The following PCSK2 variants were observed in gnomAD, a reference collection of about 807,000 sequenced individuals.
PCSK2 encodes the protein proprotein convertase subtilisin/kexin type 2.
In PCSK2, 14 loss-of-function variants were observed where a neutral mutation model predicts 69.7. That is an observed-to-expected ratio of 0.20 (90% CI 0.13 to 0.31). The LOEUF (loss-of-function observed/expected upper bound fraction) is 0.31. Ranked by LOEUF, PCSK2 falls within the 10% of genes least tolerant of loss-of-function variation. The pLI, the probability that PCSK2 is intolerant of heterozygous loss-of-function variation, is 1.00. For missense variants in PCSK2, 544 were observed against 842.5 expected (o/e 0.65, Z 4.39); for synonymous variants, 307 against 320.7 (o/e 0.96, Z 0.46).
At chr20:17,254,584 A>G (rs1185588000) in intron 1 of PCSK2, among the ~76,000 whole-genome samples, 1 of 152,200 alleles carries the variant, frequency 6.6e-6, no homozygotes, top group Admixed American at 6.5e-5. Flanking sequence ...TGCCAGTACC[A>G]TACTACTTTG....
intron 1 of PCSK2, among the ~76,000 whole-genome samples, chr20:17,243,737 G>A (rs1231022125): frequency 2.6e-5 from 4 of 152,186 alleles, no homozygotes; most frequent in Admixed American, 6.5e-5. Context: ...ACACCACAAC[G>A]TGTGTAATGC....
At position 17,414,215 on chromosome 20, in the gene PCSK2, A is replaced by C. The variant is rs180854368; in HGVS notation, c.620+4876A>C. Among the ~76,000 whole-genome samples the C allele has an allele frequency of 1.5e-3, 225 of 152,318 alleles. 1 individual carries two copies. Among genetic ancestry groups the C allele is most frequent in the Admixed American group, 4.4e-3 (68 of 15,306 alleles). On this transcript the variant is annotated intron_variant, in intron 6 of 11. Transcript: ENST00000262545. The stretch of plus-strand genomic sequence containing the variant: ...AACTGAAGGAGCTAGAGACACAAAA[A>C]ACCCTTCAAAAAAAATCGATGAATC...
intron 2 of PCSK2, among the ~76,000 whole-genome samples, chr20:17,307,503 C>T (rs2143243): frequency 0.35 from 52,606 of 152,006 alleles, 9,602 homozygotes; most frequent in East Asian, 0.57. Context: ...TGAGAGATGG[C>T]TAGGGCCAGA....
chr20:17,252,640 C>T (rs911885281), intron 1 of PCSK2, among the ~76,000 whole-genome samples: 1 of 152,148 alleles, frequency 6.6e-6, no homozygotes, highest in Non-Finnish European at 1.5e-5. Flanking sequence ...GGCTTCAGAA[C>T]TCATGTTCTT....
chr20:17,450,543 C>T (rs748807797), intron 8 of PCSK2, among the ~76,000 whole-genome samples: 11 of 152,178 alleles, frequency 7.2e-5, no homozygotes, highest in Admixed American at 5.2e-4. Flanking sequence ...TGTTCTGTCT[C>T]GATTTCTGCC....
At chr20:17,379,362 C>A (rs568451311) in intron 5 of PCSK2, among the ~76,000 whole-genome samples, 3 of 152,204 alleles carry the variant, frequency 2.0e-5, no homozygotes, top group African/African-American at 7.2e-5. Context: ...GGAGACCAAA[C>A]GTCTGATCCA....
chr20:17,249,245 G>A (rs1467221360), intron 1 of PCSK2, among the ~76,000 whole-genome samples: 2 of 152,092 alleles, frequency 1.3e-5, no homozygotes, highest in African/African-American at 4.8e-5. Flanking sequence ...GGTGGCTCAC[G>A]CCTGTAATCC....
chr20:17,350,574 A>G (rs1384227256), intron 2 of PCSK2, among the ~76,000 whole-genome samples: 1 of 152,116 alleles, frequency 6.6e-6, no homozygotes, highest in Non-Finnish European at 1.5e-5. Context: ...GTTGTCCCAG[A>G]TACTGGAAGA....
chr20:17,258,107 G>A (rs1445093584), intron 1 of PCSK2, among the ~76,000 whole-genome samples: 1 of 152,138 alleles, frequency 6.6e-6, no homozygotes, highest in Non-Finnish European at 1.5e-5. Flanking sequence ...ATTTAGGGAT[G>A]GAGCTTTTTA....
At chr20:17,338,000 T>C (rs1206728067) in intron 2 of PCSK2, among the ~76,000 whole-genome samples, 1 of 150,420 alleles carries the variant, frequency 6.6e-6, no homozygotes, top group African/African-American at 2.4e-5. Flanking sequence ...CTGCATACAA[T>C]GTGCCTGGGT....
intron 11 of PCSK2, among the ~76,000 whole-genome samples, chr20:17,477,972 C>T (rs1365386081): frequency 6.6e-6 from 1 of 152,034 alleles, no homozygotes; most frequent in Non-Finnish European, 1.5e-5. Flanking sequence ...AATTTGAACC[C>T]CACATAATAA....
intron 6 of PCSK2, among the ~76,000 whole-genome samples, chr20:17,421,607 T>C (rs2032127780): frequency 6.6e-6 from 1 of 151,980 alleles, no homozygotes; most frequent in African/African-American, 2.4e-5. Context: ...GCAGAGAGAC[T>C]GGAGACCAGA....
intron 4 of PCSK2, among the ~76,000 whole-genome samples, chr20:17,366,821 T>C (rs2030607075): frequency 6.6e-6 from 1 of 152,176 alleles, no homozygotes; most frequent in Admixed American, 6.5e-5. Flanking sequence ...TTAGGCTAAA[T>C]TTATCTTGTT....
intron 4 of PCSK2, among the ~76,000 whole-genome samples, chr20:17,369,013 A>G (rs2030679836): frequency 1.3e-5 from 2 of 152,206 alleles, no homozygotes; most frequent in African/African-American, 4.8e-5. Context: ...TCACTGTCAC[A>G]AAGCTGTCTT....
rs144506523 is a variant in PCSK2 at position 17,451,393 on chromosome 20, G to C, written c.886-2349G>C. Among the ~76,000 whole-genome samples, 381 of 152,296 alleles carry C rather than the reference G, an allele frequency of 2.5e-3. 2 individuals carry two copies. Among genetic ancestry groups the C allele is most frequent in the African/African-American group, 8.8e-3 (366 of 41,566 alleles). On this transcript the variant is annotated intron_variant, in intron 8 of 11. Coordinates refer to ENST00000262545, the MANE Select transcript of PCSK2 (RefSeq NM_002594.5). ...AGGCTAATCTCAGGAGAGTGAGTTA[G>C]AGACTGACGGATCGAGGATGGCTTC...
intron 1 of PCSK2, among the ~76,000 whole-genome samples, chr20:17,244,058 G>A (rs1986684557): frequency 6.6e-6 from 1 of 152,062 alleles, no homozygotes; most frequent in African/African-American, 2.4e-5. Context: ...ACTTTCTGAT[G>A]TTGATACTTA....
At chr20:17,481,300 T>G (rs528373274) in intron 11 of PCSK2, among the ~76,000 whole-genome samples, 44 of 146,670 alleles carry the variant, frequency 3.0e-4, no homozygotes, top group African/African-American at 1.1e-3. Context: ...GAGAATCACT[T>G]GAACCCAGGA....
intron 2 of PCSK2, among the ~76,000 whole-genome samples, chr20:17,336,398 G>A (rs1370344884): frequency 1.3e-5 from 2 of 152,130 alleles, no homozygotes; most frequent in African/African-American, 2.4e-5. Flanking sequence ...CCTTCTCTGG[G>A]TCCCTAAGAT....
chr20:17,365,855 G>A (rs1237995487), intron 4 of PCSK2, among the ~76,000 whole-genome samples: 1 of 152,206 alleles, frequency 6.6e-6, no homozygotes, highest in Non-Finnish European at 1.5e-5. Context: ...ACTGGGGTGG[G>A]AGCTGGGCCT....
Sources: gnomAD v4.1 joint callset for allele counts (sites outside exome capture counted in the v4.1 genomes callset) on GRCh38, gnomAD v4.1.1 for gene constraint, MANE v1.5 for transcripts, NCBI Gene and HGNC (gene_info 2026-07-23, HGNC 2026-07-21) for gene names.